GGCX: variants seen among roughly 807,000 people sequenced by gnomAD.
GGCX encodes gamma-glutamyl carboxylase.
In GGCX, 63 loss-of-function variants were observed where a neutral mutation model predicts 88.5. The observed-to-expected ratio is 0.71, with a 90% CI of 0.58 to 0.88. The LOEUF (loss-of-function observed/expected upper bound fraction) is 0.88. Ranked by LOEUF, GGCX falls within the 40% of genes least tolerant of loss-of-function variation. The pLI is 0.00. For missense variants in GGCX, 805 were observed against 932.9 expected (o/e 0.86, Z 1.79); for synonymous variants, 368 against 365.8 (o/e 1.01, Z -0.07).
At chr2:85,555,653 T>C in intron 5 of GGCX, 63 bp from the exon 6 acceptor site, 2 of 912,306 alleles carry the variant, frequency 2.2e-6, no homozygotes, top group Non-Finnish European at 1.8e-6. Context: ...TAGGCAAGAA[T>C]AAAATAAGGA....
rs371032095 is a variant in GGCX at position 85,556,217 on chromosome 2, C to T, written c.583G>A (p.Val195Met). Residue 195 changes from valine to methionine, a missense_variant, in exon 5 of 15, where the codon GTG becomes ATG. By Grantham distance (21) the Val-to-Met change is conservative. Around this residue, in one of 3 missense-constraint regions of GGCX, gnomAD observed 680 missense variants for 763.7 expected, o/e 0.89. Coordinates refer to ENST00000233838, the MANE Select transcript of GGCX (RefSeq NM_000821.7). ...LLNAHRRNAH[V>M]PLWNYAVLRG... ...AGCACTGCATAGTTCCAAAGGGGCA[C>T]GTGGGCATTCCTCCTATGGGCATTC... 5.0e-6 allele frequency: 8 copies of T among 1,613,090 alleles called. No individual in the cohort carries two copies. The highest frequency in any genetic ancestry group is 3.3e-5 in the South Asian group (3 of 91,070).
chr2:85,555,036 A>C (rs1374080030), intron 6 of GGCX: 2 of 169,098 alleles, frequency 1.2e-5, no homozygotes, highest in Admixed American at 5.5e-5. Flanking sequence ...AATGGGAAGA[A>C]GACAAATCAG....
chr2:85,544,793 A>G lies in GGCX; in HGVS notation c.*5141T>C, dbSNP rs1410624452. On this transcript the variant is annotated 3_prime_UTR_variant, in exon 15 of 15. Transcript: ENST00000233838. ...GAACAGCTGGTGTAGCTACAGAGAA[A>G]CCAGCTTCCTTCAGAGAGCAGTGCT... 1.3e-5 allele frequency: 2 copies of G among 152,650 alleles called. No homozygotes were observed. The highest frequency in any genetic ancestry group is 6.5e-5 in the Admixed American group (1 of 15,284). 9.5% of individuals were successfully genotyped at this position (152,650 alleles called of 1,614,324 possible).
rs1418832535 is a variant in GGCX at position 85,555,597 on chromosome 2, AT to A, written c.619-8del. On this transcript the variant is annotated splice_polypyrimidine_tract_variant and splice_region_variant and intron_variant, in intron 5 of 14. Transcript: ENST00000233838. The stretch of plus-strand genomic sequence containing the variant: ...TGAAGTACACAATGAAGATCTGAAA[AT>A]AAAATGTGACACAAAGTTCAAGCAA... The A allele has an allele frequency of 6.9e-7, 1 of 1,454,106 alleles. No individual in the cohort carries two copies. The highest frequency in any genetic ancestry group is 9.7e-7 in the Non-Finnish European group (1 of 1,034,026). The allele number at this position is 1,454,106 out of a possible 1,614,324, so 90.1% of individuals were successfully genotyped here.
rs1692039651 is a variant in GGCX, at chr2:85,553,086, A to T, written c.1156-16T>A. Reference sequence around the variant, plus strand: ...TGTTATAGCCCTGGGAAGGCAGCACAGAGGGGAATCAGCTCAATGCTTCTC... The same window carrying T: ...TGTTATAGCCCTGGGAAGGCAGCACTGAGGGGAATCAGCTCAATGCTTCTC... On this transcript the variant is annotated splice_polypyrimidine_tract_variant and intron_variant, in intron 8 of 14. Coordinates refer to ENST00000233838, the MANE Select transcript of GGCX (RefSeq NM_000821.7). 1 of 1,614,210 alleles carries T rather than the reference A, an allele frequency of 6.2e-7. No individual in the cohort carries two copies. Among genetic ancestry groups the T allele is most frequent in the Non-Finnish European group, 8.5e-7 (1 of 1,179,998 alleles).
At chr2:85,557,235 AATG>A (rs1692239311) in intron 4 of GGCX, among the ~76,000 whole-genome samples, 1 of 152,218 alleles carries the variant, frequency 6.6e-6, no homozygotes, top group South Asian at 2.1e-4. Flanking sequence ...ACCCTGAATA[AATG>A]ATAAGTGATT....
At position 85,551,166 on chromosome 2, in the gene GGCX, A is replaced by G. The variant is rs1691933127; in HGVS notation, c.1741-94T>C. 3 of 1,247,146 alleles carry G rather than the reference A, an allele frequency of 2.4e-6. No homozygotes were observed. The African/African-American group carries it at 4.4e-5, about 18-fold the overall frequency. 77.3% of individuals were successfully genotyped at this position (1,247,146 alleles called of 1,614,324 possible). A position where few individuals can be genotyped will look rare whatever the true frequency, so the allele number is the denominator to read the frequency against. On this transcript the variant is annotated intron_variant, in intron 12 of 14. Transcript: ENST00000233838. ...TATGACTCTTGGCTTCTTTCTACTC[A>G]ATTGTGTTTTGGAATCGAAAGTAAC...
chr2:85,559,387 G>GCTATAAAGATC (rs951330629), intron 2 of GGCX, among the ~76,000 whole-genome samples: 4 of 152,170 alleles, frequency 2.6e-5, no homozygotes, highest in African/African-American at 4.8e-5. Flanking sequence ...GGTCTTGACA[G>GCTATAAAGATC]CTATAAAGAT....
chr2:85,547,609 C>T lies in GGCX; in HGVS notation c.*2325G>A, dbSNP rs1691740222. On this transcript the variant is annotated 3_prime_UTR_variant, in exon 15 of 15. Transcript: ENST00000233838. ...TAGGTACAGTGAGTTTGGCAAACAA[C>T]ATAGTGGCAAAGTATCTTCTATTGT... The T allele has an allele frequency of 6.6e-6, 1 of 152,196 alleles. No homozygotes were observed. The highest frequency in any genetic ancestry group is 1.5e-5 in the Non-Finnish European group (1 of 68,030). The allele number at this position is 152,196 out of a possible 1,614,324, so 9.4% of individuals were successfully genotyped here. A position where few individuals can be genotyped will look rare whatever the true frequency, so the allele number is the denominator to read the frequency against.
chr2:85,552,619 CAT>C, intron 9 of GGCX, 52 bp from the exon 10 acceptor site: 2 of 1,541,168 alleles, frequency 1.3e-6, no homozygotes, highest in South Asian at 1.1e-5. Flanking sequence ...ACTTCCAAGA[CAT>C]GTCATGCACT....
chr2:85,553,607 TTC>T, intron 7 of GGCX, 110 bp from the exon 8 acceptor site: 1 of 1,095,480 alleles, frequency 9.1e-7, no homozygotes, highest in African/African-American at 1.6e-5. Context: ...AAAGTAGTTC[TTC>T]TTTTTTTTTT....
chr2:85,557,970 C>T (rs76711308), intron 4 of GGCX, among the ~76,000 whole-genome samples: 1 of 152,142 alleles, frequency 6.6e-6, no homozygotes, highest in African/African-American at 2.4e-5. Flanking sequence ...GGAAGGGTTA[C>T]CTCCTCCGAG....
rs1452323038 is a variant in GGCX at position 85,551,407 on chromosome 2, C to G, written c.1740+73G>C. ...ATTCCTGGCTTCCCACCTCAGCCTCCTAAGAAGCTGGGATTACTGGTGTGA... is the reference window on the plus strand; with the variant it reads ...ATTCCTGGCTTCCCACCTCAGCCTCGTAAGAAGCTGGGATTACTGGTGTGA... On this transcript the variant is annotated intron_variant, in intron 12 of 14. Coordinates refer to ENST00000233838, the MANE Select transcript of GGCX (RefSeq NM_000821.7). The G allele has an allele frequency of 4.0e-6, 6 of 1,494,918 alleles. No homozygotes were observed. In the East Asian group the frequency reaches 1.4e-4, roughly 34 times the overall value. The allele number at this position is 1,494,918 out of a possible 1,614,324, so 92.6% of individuals were successfully genotyped here.
Position 85,550,765 on chromosome 2 carries a change from G to GA in GGCX, c.1889-16dup. 6.2e-7 allele frequency: 1 copy of GA among 1,612,192 alleles called. No individual in the cohort carries two copies. ...AGGCCCTGTTTCTGCCCGGAAGACAGAAAAAAGAGGAATCACTGAGATGGA... is the reference window on the plus strand; with the variant it reads ...AGGCCCTGTTTCTGCCCGGAAGACAGAAAAAAAGAGGAATCACTGAGATGGA... On this transcript the variant is annotated splice_polypyrimidine_tract_variant and intron_variant, in intron 13 of 14. Coordinates refer to ENST00000233838, the MANE Select transcript of GGCX (RefSeq NM_000821.7).
chr2:85,554,648 T>G (rs1692129480), intron 6 of GGCX: 1 of 363,428 alleles, frequency 2.8e-6, no homozygotes, highest in South Asian at 2.3e-5. Context: ...TAAAAAATTT[T>G]TTTGTAGAGA....
intron 12 of GGCX, 101 bp downstream of exon 12, chr2:85,551,379 T>C: frequency 8.4e-7 from 1 of 1,196,990 alleles, no homozygotes; most frequent in Admixed American, 1.7e-5. Flanking sequence ...AGGCTCACTG[T>C]GAATTCCTGG....
chr2:85,545,612 G>C lies in GGCX; in HGVS notation c.*4322C>G, dbSNP rs1226321389. On this transcript the variant is annotated 3_prime_UTR_variant, in exon 15 of 15. Coordinates refer to ENST00000233838, the MANE Select transcript of GGCX (RefSeq NM_000821.7). The stretch of plus-strand genomic sequence containing the variant: ...GCCTAAGCAAGATTTAGTCCTCCTA[G>C]TCCACTTAAGCCAAAATTCATGTGT... 6.6e-6 allele frequency: 1 copy of C among 152,162 alleles called. No homozygotes were observed. Among genetic ancestry groups the C allele is most frequent in the Non-Finnish European group, 1.5e-5 (1 of 68,042 alleles). The allele number at this position is 152,162 out of a possible 1,614,324, so 9.4% of individuals were successfully genotyped here. A position where few individuals can be genotyped will look rare whatever the true frequency, so the allele number is the denominator to read the frequency against.
intron 7 of GGCX, 196 bp downstream of exon 7, chr2:85,553,947 C>T: frequency 3.2e-6 from 2 of 630,442 alleles, no homozygotes; most frequent in African/African-American, 1.8e-5. Flanking sequence ...CTGGAGATTC[C>T]CTACTGTACA....
chr2:85,549,714 A>C lies in GGCX; in HGVS notation c.*220T>G. 1.8e-6 allele frequency: 1 copy of C among 547,992 alleles called. No individual in the cohort carries two copies. Among genetic ancestry groups the C allele is most frequent in the Non-Finnish European group, 3.2e-6 (1 of 308,558 alleles). The allele number at this position is 547,992 out of a possible 1,614,324, so 33.9% of individuals were successfully genotyped here. On this transcript the variant is annotated 3_prime_UTR_variant, in exon 15 of 15. Coordinates refer to ENST00000233838, the MANE Select transcript of GGCX (RefSeq NM_000821.7). ...AGGAGGACAGTTTCACATTGCGTCT[A>C]ACCTCTTCCTGGCCTCTTAATCTTG...
Sources: allele counts gnomAD v4.1 joint callset (sites outside exome capture counted in the v4.1 genomes callset), GRCh38; gene constraint gnomAD v4.1.1; regional missense constraint gnomAD v4.1.1; transcripts MANE v1.5; gene names NCBI Gene and HGNC (gene_info 2026-07-23, HGNC 2026-07-21).